Variants in HK3 observed in about 807,000 individuals in gnomAD.
HK3 encodes the protein hexokinase 3, also known as hexokinase-3.
In HK3, 93 loss-of-function variants were observed where a neutral mutation model predicts 91.0. The observed-to-expected ratio is 1.02, with a 90% CI of 0.86 to 1.21. The LOEUF is 1.21. Ranked by LOEUF, HK3 falls within the 50% of genes most tolerant of loss-of-function variation. HK3 has a pLI of 0.00. For missense variants in HK3, 1,235 were observed against 1,247.4 expected, an observed-to-expected ratio of 0.99 and a Z score of 0.15; for synonymous variants, 519 against 516.9, an observed-to-expected ratio of 1.00 and a Z score of -0.06.
rs769492941 is a variant in HK3 at position 176,891,378 on chromosome 5, T to C, written c.259+10A>G. On this transcript the variant is annotated intron_variant, in intron 3 of 18. Transcript: ENST00000292432. ...AGGCCTGGCCACGCATCTCAATCTA[T>C]GATACCCACCAGTGCCATGTGGGGT... 1.2e-6 allele frequency: 2 copies of C among 1,611,908 alleles called. No homozygotes were observed. Among genetic ancestry groups the C allele is most frequent in the South Asian group, 2.2e-5 (2 of 90,884 alleles).
At position 176,888,450 on chromosome 5, in the gene HK3, C is replaced by T. The variant is rs368644149; in HGVS notation, c.1186G>A (p.Ala396Thr). The T allele has an allele frequency of 2.7e-4, 413 of 1,556,200 alleles. No individual in the cohort carries two copies. The highest frequency in any genetic ancestry group is 7.0e-4 in the South Asian group (59 of 84,492). Residue 396 changes from alanine (A) to threonine (T), a missense_variant, in exon 10 of 19, where the codon GCC (alanine) becomes ACC (threonine). Physicochemically the swap from Ala to Thr is moderately conservative, Grantham distance 58 (BLOSUM62 0). Transcript: ENST00000292432. ...HVCAAVCTRA[A>T]QLCAAALAAV... ...GCCAGGGCGGCAGCACAGAGCTGGG[C>T]AGCCCGCGTGCACACGGCCGCACAG...
rs1188203773 is a variant in HK3 at position 176,888,881 on chromosome 5, T to G, written c.915-17A>C. 1 of 1,607,212 alleles carries G rather than the reference T, an allele frequency of 6.2e-7. No individual in the cohort carries two copies. Among genetic ancestry groups the G allele is most frequent in the Non-Finnish European group, 8.5e-7 (1 of 1,175,900 alleles). ...TTCTCAAACCTGCAGGGGGGAAGGGTGGCTGGAGGAAGCCTTTTCTAAGCC... is the reference window on the plus strand; with the variant it reads ...TTCTCAAACCTGCAGGGGGGAAGGGGGGCTGGAGGAAGCCTTTTCTAAGCC... On this transcript the variant is annotated splice_polypyrimidine_tract_variant and intron_variant, in intron 8 of 18. Transcript: ENST00000292432.
In HK3 at chr5:176,891,195, G is replaced by A. The variant is rs758419956; in HGVS notation, c.260-4C>T. On this transcript the variant is annotated splice_polypyrimidine_tract_variant and splice_region_variant and intron_variant, in intron 3 of 18. Coordinates refer to ENST00000292432, the MANE Select transcript of HK3 (RefSeq NM_002115.3). Reference sequence around the variant, plus strand: ...AGCACCACGAAGTCTCCTTGCTCTGGAGGGCAAGCAGGTCACAGAAAGCCA... The same window carrying A: ...AGCACCACGAAGTCTCCTTGCTCTGAAGGGCAAGCAGGTCACAGAAAGCCA... 68 of 1,614,016 alleles carry A rather than the reference G, an allele frequency of 4.2e-5. No homozygotes were observed. The highest frequency in any genetic ancestry group is 5.5e-5 in the Non-Finnish European group (65 of 1,180,046).
In HK3 at chr5:176,896,377, G is replaced by A. The variant is rs142876962; in HGVS notation, c.-26-192C>T. On this transcript the variant is annotated intron_variant, in intron 1 of 18. Coordinates refer to ENST00000292432, the MANE Select transcript of HK3 (RefSeq NM_002115.3). ...CTTGTTTTTCACAAGCATGTCTAAT[G>A]AGAGAGCACTGGAAAGGCTGATTTC... Among the ~76,000 whole-genome samples, 104 of 152,322 alleles carry A rather than the reference G, an allele frequency of 6.8e-4. 3 individuals are homozygous for A. The East Asian group carries it at 0.019, about 28-fold the overall frequency.
At chr5:176,895,532 A>C (rs1168011767) in intron 2 of HK3, among the ~76,000 whole-genome samples, 1 of 152,244 alleles carries the variant, frequency 6.6e-6, no homozygotes, top group Non-Finnish European at 1.5e-5. Flanking sequence ...ACAGCTTCTA[A>C]ATCTTGGTCA....
rs754229782 is a variant in HK3, at chr5:176,884,155, A to G, written c.1858-21T>C. 1 of 1,604,210 alleles carries G rather than the reference A, an allele frequency of 6.2e-7. No homozygotes were observed. Among genetic ancestry groups the G allele is most frequent in the Admixed American group, 1.7e-5 (1 of 60,016 alleles). On this transcript the variant is annotated intron_variant, in intron 13 of 18. Transcript: ENST00000292432. This position sits in a 1 kb window ranked among gnomAD's most constrained non-coding sequence, Gnocchi z 4.1. ...ATGCCCTGGGGTGAGACCGAGAGGA[A>G]GTGGCAGGAAGCTGGAGGCCCCTTC...
chr5:176,887,067 T>C lies in HK3; in HGVS notation c.1792A>G (p.Ser598Gly), dbSNP rs1758606836. 1 of 1,614,196 alleles carries C rather than the reference T, an allele frequency of 6.2e-7. No individual in the cohort carries two copies. Among genetic ancestry groups the C allele is most frequent in the East Asian group, 2.2e-5 (1 of 44,888 alleles). Residue 598 changes from serine to glycine, a missense_variant, in exon 13 of 19, where the codon AGC (serine) becomes GGC (glycine). This residue lies in a region of HK3 where 513 missense variants were observed against 477.4 expected (regional missense o/e 1.07). Transcript: ENST00000292432. This position sits in a 1 kb window ranked among gnomAD's most constrained non-coding sequence, Gnocchi z 4.9. ...IVDFQQKQGL[S>G]GQSLPLGFTF... ...AAACCCAGTGGGAGGCTCTGCCCGCTCAGGCCCTGCTTCTGCTGGAAGTCC... is the reference window on the plus strand; with the variant it reads ...AAACCCAGTGGGAGGCTCTGCCCGCCCAGGCCCTGCTTCTGCTGGAAGTCC...
At position 176,888,764 on chromosome 5, in the gene HK3, G is replaced by T. The variant is rs1309133983; in HGVS notation, c.1015C>A (p.Pro339Thr). 1 of 1,614,092 alleles carries T rather than the reference G, an allele frequency of 6.2e-7. No homozygotes were observed. Among genetic ancestry groups the T allele is most frequent in the Non-Finnish European group, 8.5e-7 (1 of 1,180,040 alleles). Reference protein sequence around the residue: ...CGVLFGGCTSPALLSQGSILL... With the variant: ...CGVLFGGCTSTALLSQGSILL... The stretch of plus-strand genomic sequence containing the variant: ...ATGCTGCCTTGGCTCAGCAGGGCAG[G>T]GGAGGTGCAGCCACCAAAGAGGACC... The change falls in exon 9 of 19, where the codon CCT becomes ACT. Residue 339 changes from proline (P) to threonine (T), a missense_variant. Coordinates refer to ENST00000292432, the MANE Select transcript of HK3 (RefSeq NM_002115.3).
At position 176,883,781 on chromosome 5, in the gene HK3, C is replaced by T; in HGVS notation, c.2042G>A (p.Gly681Asp). ...CGYEDPRCEI[G>D]LIVGTGTNAC... ...AGGGCCCTCCTCACCGACAATGAGGCCTATCTCGCAACGGGGGTCCTCATA... is the reference window on the plus strand; with the variant it reads ...AGGGCCCTCCTCACCGACAATGAGGTCTATCTCGCAACGGGGGTCCTCATA... Residue 681 changes from glycine to aspartate, a missense_variant, in exon 15 of 19, where the codon GGC becomes GAC. Gly to Asp is a moderately conservative substitution (Grantham distance 94). Transcript: ENST00000292432. 3.1e-6 allele frequency: 5 copies of T among 1,613,656 alleles called. No homozygotes were observed. The highest frequency in any genetic ancestry group is 4.5e-5 in the East Asian group (2 of 44,874).
Position 176,891,050 on chromosome 5 carries a change from C to T in HK3, c.401G>A (p.Gly134Asp). 1 of 1,614,002 alleles carries T rather than the reference C, an allele frequency of 6.2e-7. No homozygotes were observed. Among genetic ancestry groups the T allele is most frequent in the Non-Finnish European group, 8.5e-7 (1 of 1,180,010 alleles). Residue 134 changes from glycine to aspartate, a missense_variant, in exon 4 of 19, where the codon GGT becomes GAT. Gly to Asp is a moderately conservative substitution (Grantham distance 94, BLOSUM62 -1). This residue lies in a region of HK3 where 717 missense variants were observed against 751.6 expected (regional missense o/e 0.95). Transcript: ENST00000292432. ...GTGAGTGCTTACCTGCTGGCCAGCA[C>T]CCAGCATCACCTCTTGGGGGATCAC... is the stretch of plus-strand genomic sequence containing the variant. Reference protein sequence around the residue: ...EFVIPQEVMLGAGQQLFDFAA... With the variant: ...EFVIPQEVMLDAGQQLFDFAA...
At position 176,890,768 on chromosome 5, in the gene HK3, T is replaced by C. The variant is rs772895511; in HGVS notation, c.535-38A>G. The C allele has an allele frequency of 9.3e-6, 15 of 1,614,172 alleles. No homozygotes were observed. The East Asian group carries it at 3.1e-4, about 34-fold the overall frequency. On this transcript the variant is annotated intron_variant, in intron 5 of 18. Coordinates refer to ENST00000292432, the MANE Select transcript of HK3 (RefSeq NM_002115.3). The stretch of plus-strand genomic sequence containing the variant: ...AAGCTGGGTTACTCCTCTGACGGCC[T>C]TCATGGGGCTGCAGCCACCCTCTAC...
intron 4 of HK3, 43 bp downstream of exon 4, chr5:176,890,994 A>C (rs1400561254): frequency 6.2e-7 from 1 of 1,613,874 alleles, no homozygotes; most frequent in Non-Finnish European, 8.5e-7. Flanking sequence ...CTAGCCACCC[A>C]GCCAGGCCCC....
Position 176,888,469 on chromosome 5 carries a change from C to T in HK3, c.1167G>A (p.Ala389=), listed in dbSNP as rs558545304. 1.7e-5 allele frequency: 27 copies of T among 1,553,954 alleles called. No individual in the cohort carries two copies. The highest frequency in any genetic ancestry group is 1.7e-4 in the Middle Eastern group (1 of 5,994). Reference sequence around the variant, plus strand: ...GCTGGGCAGCCCGCGTGCACACGGCCGCACAGACGTGCTGCACAAGCTCAA... The same window carrying T: ...GCTGGGCAGCCCGCGTGCACACGGCTGCACAGACGTGCTGCACAAGCTCAA... ...SDVELVQHVC[A]AVCTRAAQLC... The change falls in exon 10 of 19, where the codon GCG becomes GCA. Residue 389 remains alanine (A), a synonymous_variant. Coordinates refer to ENST00000292432, the MANE Select transcript of HK3 (RefSeq NM_002115.3).
Position 176,888,876 on chromosome 5 carries a change from AAGGG to A in HK3, c.915-16_915-13del. 6.2e-7 allele frequency: 1 copy of A among 1,608,642 alleles called. No individual in the cohort carries two copies. On this transcript the variant is annotated splice_polypyrimidine_tract_variant and intron_variant, in intron 8 of 18. Coordinates refer to ENST00000292432, the MANE Select transcript of HK3 (RefSeq NM_002115.3). ...TCATCTTCTCAAACCTGCAGGGGGG[AAGGG>A]TGGCTGGAGGAAGCCTTTTCTAAGC...
chr5:176,896,666 A>G (rs1201992756), intron 1 of HK3, among the ~76,000 whole-genome samples: 1 of 152,208 alleles, frequency 6.6e-6, no homozygotes, highest in African/African-American at 2.4e-5. Context: ...CTGCCAGAGA[A>G]GCAGGCAGGC....
At chr5:176,891,635 C>G in intron 2 of HK3, 85 bp from the exon 3 acceptor site, 10 of 1,378,258 alleles carry the variant, frequency 7.3e-6, no homozygotes, top group Non-Finnish European at 9.9e-6. Flanking sequence ...GAGGCCTGCC[C>G]TGCCCAGCCC....
At chr5:176,882,258 G>T in intron 15 of HK3, 131 bp from the exon 16 acceptor site, 1 of 948,276 alleles carries the variant, frequency 1.1e-6, no homozygotes, top group Non-Finnish European at 1.6e-6. Flanking sequence ...CCTGTCCCTG[G>T]TCCTGGTCCT....
rs771002850 is a variant in HK3 at position 176,891,040 on chromosome 5, C to A, written c.411G>T (p.Gln137His). The A allele has an allele frequency of 1.2e-6, 2 of 1,613,952 alleles. No individual in the cohort carries two copies. The highest frequency in any genetic ancestry group is 1.1e-5 in the South Asian group (1 of 91,088). The part of the protein sequence containing the change: ...IPQEVMLGAG[Q>H]QLFDFAAHCL... ...AGGCTGGGCAGTGAGTGCTTACCTG[C>A]TGGCCAGCACCCAGCATCACCTCTT... The change falls in exon 4 of 19, where the codon CAG (glutamine) becomes CAT (histidine). Residue 137 changes from glutamine (Q) to histidine (H), a missense_variant. Gln to His is a conservative substitution (Grantham distance 24). Around this residue, in one of 3 missense-constraint regions of HK3, gnomAD observed 717 missense variants for 751.6 expected, o/e 0.95. Transcript: ENST00000292432.
In HK3 at chr5:176,888,815, C is replaced by A. The variant is rs757384601; in HGVS notation, c.964G>T (p.Val322Leu). Residue 322 changes from valine (V) to leucine (L), a missense_variant, in exon 9 of 19, where the codon GTG becomes TTG. Val to Leu is a conservative substitution (Grantham distance 32, BLOSUM62 1). Transcript: ENST00000292432. Reference sequence around the variant, plus strand: ...CCACACCGGGCCAAGTGAGCCAGCACCAGCCGCACCAGCTCACCCAGGTAC... The same window carrying A: ...CCACACCGGGCCAAGTGAGCCAGCAACAGCCGCACCAGCTCACCCAGGTAC... ...GLYLGELVRLVLAHLARCGVL... is the reference protein window; with the variant it reads ...GLYLGELVRLLLAHLARCGVL... 9.9e-5 allele frequency: 160 copies of A among 1,613,886 alleles called. 1 individual carries two copies. Among genetic ancestry groups the A allele is most frequent in the Non-Finnish European group, 5.9e-6 (7 of 1,179,932 alleles).
Sources: allele counts gnomAD v4.1 joint callset (sites outside exome capture counted in the v4.1 genomes callset), GRCh38; gene constraint gnomAD v4.1.1; regional missense constraint gnomAD v4.1.1; non-coding constraint Gnocchi (gnomAD v3.1); transcripts MANE v1.5; gene names NCBI Gene and HGNC (gene_info 2026-07-23, HGNC 2026-07-21).